Variants in B3GALT1 observed in about 807,000 individuals in gnomAD.
B3GALT1 encodes UDP-Gal:betaGlcNAc beta 1,3-galactosyltransferase, polypeptide 1.
A neutral mutation model predicts 23.2 loss-of-function variants in B3GALT1; 10 were observed. That is an observed-to-expected ratio of 0.43 (90% CI 0.27 to 0.73). B3GALT1 has a LOEUF of 0.73. B3GALT1 is among the 30% of genes least tolerant of loss of function. The pLI is 0.21. For missense variants in B3GALT1, 299 were observed against 405.4 expected (o/e 0.74, Z 2.25); for synonymous variants, 156 against 141.5 (o/e 1.10, Z -0.73).
intron 1 of B3GALT1, among the ~76,000 whole-genome samples, chr2:167,423,773 GTTTCCACAT>G (rs1698584083): frequency 6.6e-6 from 1 of 152,038 alleles, no homozygotes; most frequent in Non-Finnish European, 1.5e-5. Context: ...TGGTACTTCT[GTTTCCACAT>G]TTTCATATTG....
intron 2 of B3GALT1, among the ~76,000 whole-genome samples, chr2:167,497,994 C>G: frequency 6.6e-6 from 1 of 152,058 alleles, no homozygotes; most frequent in East Asian, 1.9e-4. Flanking sequence ...AAAGTGCCAA[C>G]AAGTTTGAAA....
Position 167,768,710 on chromosome 2 carries a change from T to C in B3GALT1, c.-351-49962T>C, listed in dbSNP as rs188664111. 1.1e-4 allele frequency among the ~76,000 whole-genome samples: 17 copies of C among 152,336 alleles called. No individual in the cohort carries two copies. In the East Asian group the frequency reaches 3.3e-3, roughly 29 times the overall value. ...TGACAAGTTCATAGAATGCATCCTTTTCTTGGCATCGTCACCAAAAACTCA... is the reference window on the plus strand; with the variant it reads ...TGACAAGTTCATAGAATGCATCCTTCTCTTGGCATCGTCACCAAAAACTCA... On this transcript the variant is annotated intron_variant, in intron 3 of 4. Transcript: ENST00000392690.
At chr2:167,620,689 G>A (rs1046153426) in intron 2 of B3GALT1, among the ~76,000 whole-genome samples, 3 of 151,218 alleles carry the variant, frequency 2.0e-5, no homozygotes, top group African/African-American at 4.9e-5. Context: ...ACCTAACAAG[G>A]TAATGCCCTG....
At chr2:167,316,058 T>G (rs2105489530) in intron 1 of B3GALT1, among the ~76,000 whole-genome samples, 1 of 151,460 alleles carries the variant, frequency 6.6e-6, no homozygotes, top group African/African-American at 2.4e-5. Flanking sequence ...TAAAAAATCC[T>G]GTTGAATTTC....
At chr2:167,739,511 G>A (rs982967320) in intron 3 of B3GALT1, among the ~76,000 whole-genome samples, 1 of 152,194 alleles carries the variant, frequency 6.6e-6, no homozygotes, top group African/African-American at 2.4e-5. Flanking sequence ...ATTTAGAAAA[G>A]CATGAGAAAG....
chr2:167,763,073 G>A (rs550278444), intron 3 of B3GALT1, among the ~76,000 whole-genome samples: 15 of 152,164 alleles, frequency 9.9e-5, no homozygotes, highest in Non-Finnish European at 2.1e-4. Flanking sequence ...TAAATACTCC[G>A]TAAGTGATCT....
chr2:167,756,070 A>C (rs756105008), intron 3 of B3GALT1, among the ~76,000 whole-genome samples: 1 of 152,188 alleles, frequency 6.6e-6, no homozygotes, highest in Non-Finnish European at 1.5e-5. Flanking sequence ...TTAGAACTAC[A>C]TGAACATAAA....
intron 3 of B3GALT1, among the ~76,000 whole-genome samples, chr2:167,761,559 A>G (rs1323820405): frequency 6.6e-6 from 1 of 152,180 alleles, no homozygotes; most frequent in African/African-American, 2.4e-5. Flanking sequence ...TTTAAGGGGA[A>G]GCATGGGAAG....
intron 3 of B3GALT1, among the ~76,000 whole-genome samples, chr2:167,794,987 A>G (rs1688517889): frequency 6.6e-6 from 1 of 152,156 alleles, no homozygotes. Context: ...TCATAGCCTC[A>G]AGTCCTTTCT....
In B3GALT1 at chr2:167,407,121, A is replaced by T. The variant is rs115862110; in HGVS notation, c.-510-83056A>T. Among the ~76,000 whole-genome samples, 906 of 152,348 alleles carry T rather than the reference A, an allele frequency of 5.9e-3. 10 individuals are homozygous for T. Among genetic ancestry groups the T allele is most frequent in the African/African-American group, 0.021 (869 of 41,584 alleles). ...GAACAAATCTGAATGAATTTTAAAA[A>T]ATAGAAATCATATCAAGCATCTTTT... On this transcript the variant is annotated intron_variant, in intron 1 of 4. Transcript: ENST00000392690.
At chr2:167,422,115 TAAG>T (rs1698555356) in intron 1 of B3GALT1, among the ~76,000 whole-genome samples, 1 of 132,442 alleles carries the variant, frequency 7.6e-6, no homozygotes, top group African/African-American at 2.9e-5. Context: ...GAAGAAAGAA[TAAG>T]AAGGGAGGAG....
At chr2:167,542,810 T>A (rs1683554468) in intron 2 of B3GALT1, among the ~76,000 whole-genome samples, 1 of 151,904 alleles carries the variant, frequency 6.6e-6, no homozygotes, top group African/African-American at 2.4e-5. Context: ...TTTTTTTTTT[T>A]TGTAAGAAGA....
At chr2:167,350,392 A>G (rs761102597) in intron 1 of B3GALT1, among the ~76,000 whole-genome samples, 32 of 152,220 alleles carry the variant, frequency 2.1e-4, no homozygotes, top group Non-Finnish European at 3.8e-4. Context: ...ACAATTGATT[A>G]TAATGCTTGT....
intron 2 of B3GALT1, among the ~76,000 whole-genome samples, chr2:167,605,304 C>T (rs918051456): frequency 2.6e-5 from 4 of 152,208 alleles, no homozygotes; most frequent in African/African-American, 4.8e-5. Flanking sequence ...AAAAACAAAA[C>T]TCTTCTTTTT....
At chr2:167,660,709 AG>A (rs1295543882) in intron 3 of B3GALT1, among the ~76,000 whole-genome samples, 1 of 152,152 alleles carries the variant, frequency 6.6e-6, no homozygotes, top group Non-Finnish European at 1.5e-5. Context: ...GCAGATATTT[AG>A]GTAATCCTCC....
chr2:167,624,608 A>T (rs574197934), intron 2 of B3GALT1, among the ~76,000 whole-genome samples: 14 of 152,070 alleles, frequency 9.2e-5, no homozygotes, highest in African/African-American at 3.1e-4. Context: ...CTAGAATTTT[A>T]CTACAGTCTA....
chr2:167,378,863 G>A (rs1384841883), intron 1 of B3GALT1, among the ~76,000 whole-genome samples: 1 of 152,150 alleles, frequency 6.6e-6, no homozygotes. Context: ...GAGCTAGTGC[G>A]ATCCCTTGGT....
chr2:167,438,991 T>A (rs1458237831), intron 1 of B3GALT1, among the ~76,000 whole-genome samples: 4 of 152,260 alleles, frequency 2.6e-5, no homozygotes, highest in Admixed American at 2.6e-4. Flanking sequence ...AGATGGGCTC[T>A]GCCTGACACT....
intron 1 of B3GALT1, among the ~76,000 whole-genome samples, chr2:167,393,981 G>T (rs1698056837): frequency 1.3e-5 from 2 of 152,124 alleles, no homozygotes; most frequent in African/African-American, 4.8e-5. Flanking sequence ...TGAATTAGAG[G>T]TGAGGATGGC....
Sources: allele counts gnomAD v4.1 joint callset (sites outside exome capture counted in the v4.1 genomes callset), GRCh38; gene constraint gnomAD v4.1.1; transcripts MANE v1.5; gene names NCBI Gene and HGNC (gene_info 2026-07-23, HGNC 2026-07-21).